DUSP22: variants seen among roughly 807,000 people sequenced by gnomAD.
DUSP22 encodes the protein dual specificity phosphatase 22, also known as dual specificity protein phosphatase 22.
DUSP22 carries 24 observed loss-of-function variants against 24.5 expected under a neutral mutation model. The observed-to-expected ratio is 0.98, with a 90% confidence interval of 0.71 to 1.38. The LOEUF is 1.38. Among genes scored for constraint, DUSP22 ranks in the 40% most tolerant of loss-of-function variants. DUSP22 has a pLI of 0.00. For synonymous variants in DUSP22, 160 were observed against 106.4 expected (o/e 1.50, Z -3.10); for missense variants, 330 against 269.2 (o/e 1.23, Z -1.58).
chr6:334,959 A>C (rs1036519513), intron 3 of DUSP22, among the ~76,000 whole-genome samples, 155 bp from the exon 4 acceptor site: 1 of 152,306 alleles, frequency 6.6e-6, no homozygotes, highest in Admixed American at 6.5e-5. Flanking sequence ...AACTTTAATT[A>C]GTTTTTCTGC....
intron 4 of DUSP22, among the ~76,000 whole-genome samples, chr6:339,878 T>A (rs9503324): frequency 0.082 from 12,164 of 148,588 alleles, 29 homozygotes; most frequent in East Asian, 0.23. Context: ...TTTTGCAAGA[T>A]GAGAGCTAGT....
At chr6:303,736 C>A (rs976321062) in intron 1 of DUSP22, among the ~76,000 whole-genome samples, 33 of 152,424 alleles carry the variant, frequency 2.2e-4, no homozygotes, top group African/African-American at 7.9e-4. Context: ...TCAGAGTGTC[C>A]ATGCAAAGTG....
chr6:322,992 G>A (rs558500385), intron 3 of DUSP22, among the ~76,000 whole-genome samples: 89 of 152,368 alleles, frequency 5.8e-4, no homozygotes, highest in African/African-American at 2.0e-3. Flanking sequence ...ACTGGTTTAA[G>A]CAAATCTGCT....
chr6:300,366 C>G (rs985074634), intron 1 of DUSP22, among the ~76,000 whole-genome samples: 10 of 152,296 alleles, frequency 6.6e-5, no homozygotes, highest in Admixed American at 2.6e-4. Flanking sequence ...GGGTTTCATG[C>G]TGAAAGCTAC....
intron 3 of DUSP22, among the ~76,000 whole-genome samples, chr6:314,149 G>A (rs1758231649): frequency 6.6e-6 from 1 of 152,306 alleles, no homozygotes; most frequent in Admixed American, 6.5e-5. Context: ...GGGAGACTGT[G>A]CGAGGTCAAG....
At chr6:319,199 G>A (rs1182372265) in intron 3 of DUSP22, among the ~76,000 whole-genome samples, 20 of 152,408 alleles carry the variant, frequency 1.3e-4, no homozygotes, top group South Asian at 8.3e-4. Flanking sequence ...GTATCTATTC[G>A]AGTGAAGACA....
At chr6:314,548 G>A (rs1758257255) in intron 3 of DUSP22, among the ~76,000 whole-genome samples, 2 of 152,308 alleles carry the variant, frequency 1.3e-5, no homozygotes, top group African/African-American at 2.4e-5. Flanking sequence ...TGCCTTTATT[G>A]TGATGGAGAC....
At chr6:321,065 AG>A (rs1300491810) in intron 3 of DUSP22, among the ~76,000 whole-genome samples, 2 of 152,426 alleles carry the variant, frequency 1.3e-5, no homozygotes, top group South Asian at 2.1e-4. Context: ...CAAGACAGCA[AG>A]GCTTCACCAA....
intron 3 of DUSP22, among the ~76,000 whole-genome samples, chr6:332,869 G>A (rs1043316331): frequency 1.6e-4 from 24 of 152,412 alleles, no homozygotes; most frequent in Non-Finnish European, 2.4e-4. Flanking sequence ...TCCAAGGAGC[G>A]TGGAGGGAGA....
rs749177335 is a variant in DUSP22, at chr6:345,866, CAAAG to C, written c.206_209del (p.Glu69ValfsTer27). On this transcript the variant is annotated frameshift_variant, in exon 5 of 7. Coordinates refer to ENST00000419235, the MANE Select transcript of DUSP22 (RefSeq NM_001286555.3). LOFTEE classifies it high-confidence loss of function. Reference sequence around the variant, plus strand: ...TTTCTTTTCCCAGGACAAGACATTTCAAAGAAAGTATTAAATTCATTCACGAGTG... The same window carrying C: ...TTTCTTTTCCCAGGACAAGACATTTCAAAGTATTAAATTCATTCACGAGTG... The C allele has an allele frequency of 6.2e-7, 1 of 1,614,224 alleles. No individual in the cohort carries two copies.
chr6:348,274 G>A lies in DUSP22; in HGVS notation c.435G>A (p.Gln145=). ...AGTTTGAGAAGCATGAGGTCCATCA[G>A]GTAAGCAGTTCTTAGGGGACATCAG... The part of the protein sequence containing the change: ...LQEFEKHEVH[Q]YRQWLKEEYG... Residue 145 remains glutamine, a splice_region_variant and synonymous_variant, in exon 6 of 7, where the codon CAG becomes CAA. Transcript: ENST00000419235. 1 of 1,614,280 alleles carries A rather than the reference G, an allele frequency of 6.2e-7. No individual in the cohort carries two copies. Among genetic ancestry groups the A allele is most frequent in the Non-Finnish European group, 8.5e-7 (1 of 1,180,052 alleles).
chr6:336,232 A>G lies in DUSP22; in HGVS notation c.188+1069A>G, dbSNP rs1268393410. ...CTGATTCTCAGGTTGGCCCAGTGCT[A>G]TATGCCACAGGTCAAAGACACAGCA... On this transcript the variant is annotated intron_variant, in intron 4 of 6. Transcript: ENST00000419235. Among the ~76,000 whole-genome samples the G allele has an allele frequency of 2.0e-5, 3 of 152,306 alleles. No homozygotes were observed. In the East Asian group the frequency reaches 5.8e-4, roughly 29 times the overall value.
chr6:299,422 C>A (rs1410729216), intron 1 of DUSP22, among the ~76,000 whole-genome samples: 3 of 152,300 alleles, frequency 2.0e-5, no homozygotes, highest in African/African-American at 7.2e-5. Context: ...TTTTGGGTTT[C>A]AAGTCTGAAT....
At chr6:320,504 C>T (rs545356005) in intron 3 of DUSP22, 1 of 153,058 alleles carries the variant, frequency 6.5e-6, no homozygotes, top group Admixed American at 6.5e-5. Context: ...CGCGTGGGCT[C>T]CTCCGTGTTC....
intron 1 of DUSP22, among the ~76,000 whole-genome samples, chr6:296,169 C>G (rs1757319583): frequency 6.6e-6 from 1 of 152,302 alleles, no homozygotes; most frequent in Admixed American, 6.5e-5. Flanking sequence ...GGGGTAATTA[C>G]AGGCAAGAAA....
chr6:304,647 T>G lies in DUSP22; in HGVS notation c.41T>G (p.Ile14Ser), dbSNP rs1757740183. 1 of 1,614,144 alleles carries G rather than the reference T, an allele frequency of 6.2e-7. No homozygotes were observed. The highest frequency in any genetic ancestry group is 8.5e-7 in the Non-Finnish European group (1 of 1,180,030). The change falls in exon 2 of 7, where the codon ATC becomes AGC. Residue 14 changes from isoleucine (I) to serine (S), a missense_variant. Physicochemically the swap from Ile to Ser is moderately radical, Grantham distance 142. Coordinates refer to ENST00000419235, the MANE Select transcript of DUSP22 (RefSeq NM_001286555.3). The stretch of plus-strand genomic sequence containing the variant: ...TCCTAGATCCTGCCCGGCCTGTACA[T>G]CGGCAACTTCAAAGGTGAGTTCTTG... Reference protein sequence around the residue: ...GMNKILPGLYIGNFKDARDAE... With the variant: ...GMNKILPGLYSGNFKDARDAE...
chr6:320,944 G>A (rs1006576249), intron 3 of DUSP22, among the ~76,000 whole-genome samples: 1 of 152,304 alleles, frequency 6.6e-6, no homozygotes, highest in South Asian at 2.1e-4. Context: ...ACAAAGAGAA[G>A]TGAGATGTGT....
chr6:312,287 C>T (rs1758146024), intron 3 of DUSP22, among the ~76,000 whole-genome samples: 1 of 152,302 alleles, frequency 6.6e-6, no homozygotes, highest in South Asian at 2.1e-4. Context: ...AGAATTATCT[C>T]TGGTTTTAAA....
intron 1 of DUSP22, 39 bp downstream of exon 1, chr6:292,599 T>C (rs372600007): frequency 6.5e-4 from 1,031 of 1,581,528 alleles, no homozygotes; most frequent in Middle Eastern, 6.4e-3. Flanking sequence ...TTGCCTCCGC[T>C]CCGACGCCCT....
Sources: gnomAD v4.1 joint callset for allele counts (sites outside exome capture counted in the v4.1 genomes callset) on GRCh38, gnomAD v4.1.1 for gene constraint, MANE v1.5 for transcripts, NCBI Gene and HGNC (gene_info 2026-07-23, HGNC 2026-07-21) for gene names.